The following DSCAM variants were observed in gnomAD, a reference collection of about 807,000 sequenced individuals.
The protein encoded by DSCAM is cell adhesion molecule DSCAM.
In DSCAM, 47 loss-of-function variants were observed where a neutral mutation model predicts 217.7. The observed-to-expected ratio is 0.22, with a 90% CI of 0.17 to 0.28. DSCAM has a LOEUF of 0.28. Ranked by LOEUF, DSCAM falls within the 10% of genes least tolerant of loss-of-function variation. The pLI, the probability that DSCAM is intolerant of heterozygous loss-of-function variation, is 1.00. For missense variants in DSCAM, 2,080 were observed against 2,618.3 expected (o/e 0.79, Z 4.49); for synonymous variants, 1,056 against 1,015.3 (o/e 1.04, Z -0.76).
intron 20 of DSCAM, among the ~76,000 whole-genome samples, chr21:40,109,341 T>C (rs985590249): frequency 5.9e-5 from 9 of 152,116 alleles, no homozygotes; most frequent in African/African-American, 1.9e-4. Flanking sequence ...GCAGAGGACA[T>C]GAATAGACAC....
intron 3 of DSCAM, among the ~76,000 whole-genome samples, chr21:40,586,062 G>A (rs1324856195): frequency 6.6e-6 from 1 of 152,122 alleles, no homozygotes; most frequent in Non-Finnish European, 1.5e-5. Context: ...TCACCATGTT[G>A]GACAGGCTGG....
chr21:40,108,307 A>T (rs1377598340), intron 20 of DSCAM, among the ~76,000 whole-genome samples: 1 of 152,220 alleles, frequency 6.6e-6, no homozygotes. Context: ...AAACAACTTC[A>T]GTAAAGTCTC....
intron 3 of DSCAM, among the ~76,000 whole-genome samples, chr21:40,568,875 A>G (rs2146199911): frequency 6.6e-6 from 1 of 152,182 alleles, no homozygotes; most frequent in East Asian, 1.9e-4. Context: ...TTCTGTTACC[A>G]CGAGGGCTGT....
chr21:40,701,618 T>C (rs2090657429), intron 2 of DSCAM, among the ~76,000 whole-genome samples: 1 of 152,112 alleles, frequency 6.6e-6, no homozygotes, highest in African/African-American at 2.4e-5. Context: ...TATTGTGTGT[T>C]CATTTCTTAT....
intron 2 of DSCAM, among the ~76,000 whole-genome samples, chr21:40,694,063 A>G (rs1245741863): frequency 2.0e-5 from 3 of 152,212 alleles, no homozygotes; most frequent in African/African-American, 7.2e-5. Context: ...TGCTAGAAGC[A>G]GGTTGGGTAA....
intron 11 of DSCAM, among the ~76,000 whole-genome samples, chr21:40,252,954 G>A (rs1018620615): frequency 1.2e-4 from 18 of 152,194 alleles, no homozygotes; most frequent in Non-Finnish European, 1.8e-4. Flanking sequence ...GGCTGAGAAC[G>A]TATCACTCAC....
chr21:40,127,022 G>A (rs2090101409), intron 19 of DSCAM, among the ~76,000 whole-genome samples: 2 of 152,276 alleles, frequency 1.3e-5, no homozygotes, highest in Admixed American at 6.5e-5. Context: ...TGCGGCTCTA[G>A]CACTTAGTTC....
chr21:40,447,902 C>T (rs1334168065), intron 3 of DSCAM, among the ~76,000 whole-genome samples: 1 of 152,138 alleles, frequency 6.6e-6, no homozygotes. Flanking sequence ...TATGTGATTG[C>T]TCTATTCTTC....
intron 32 of DSCAM, among the ~76,000 whole-genome samples, chr21:40,040,694 C>T (rs1161934185): frequency 1.3e-5 from 2 of 152,102 alleles, no homozygotes; most frequent in African/African-American, 4.8e-5. Flanking sequence ...CTCTGCTGAC[C>T]CCTTCACCTG....
intron 3 of DSCAM, among the ~76,000 whole-genome samples, chr21:40,425,858 C>T (rs1396142069): frequency 6.6e-6 from 1 of 151,996 alleles, no homozygotes; most frequent in Admixed American, 6.6e-5. Context: ...TATAAACATA[C>T]ACATGTTAAC....
At chr21:40,140,365 T>G (rs2090274700) in intron 18 of DSCAM, among the ~76,000 whole-genome samples, 1 of 152,224 alleles carries the variant, frequency 6.6e-6, no homozygotes, top group East Asian at 1.9e-4. Context: ...ATTATGTTTT[T>G]GAATATTCAA....
At chr21:40,548,040 G>A (rs2076597710) in intron 3 of DSCAM, among the ~76,000 whole-genome samples, 1 of 152,192 alleles carries the variant, frequency 6.6e-6, no homozygotes, top group Non-Finnish European at 1.5e-5. Flanking sequence ...TGTTAGCAGA[G>A]CTGCGGAGGA....
chr21:40,487,115 C>T (rs1601682410), intron 3 of DSCAM, among the ~76,000 whole-genome samples: 2 of 152,122 alleles, frequency 1.3e-5, no homozygotes, highest in East Asian at 3.9e-4. Flanking sequence ...AAGGTTTGAT[C>T]CTTTAAATTT....
In DSCAM at chr21:40,708,696, G is replaced by T; in HGVS notation, c.119C>A (p.Thr40Lys). The T allele has an allele frequency of 3.7e-6, 6 of 1,611,932 alleles. No individual in the cohort carries two copies. The highest frequency in any genetic ancestry group is 5.1e-6 in the Non-Finnish European group (6 of 1,179,004). The change falls in exon 2 of 33, where the codon ACG (threonine) becomes AAG (lysine). Residue 40 changes from threonine (T) to lysine (K), a missense_variant. Transcript: ENST00000400454. ...SLQEVVFAST[T>K]GTLVPCPAAG... ...TGCGGGGCAGGGCACCAGAGTCCCC[G>T]TGGTGCTGGCAAACACTACCTCTTG...
At chr21:40,151,403 T>C (rs1180142925) in intron 16 of DSCAM, among the ~76,000 whole-genome samples, 1 of 151,984 alleles carries the variant, frequency 6.6e-6, no homozygotes, top group Admixed American at 6.6e-5. Context: ...GTGGCCACCA[T>C]TCTCAATGAA....
At chr21:40,652,126 G>A (rs569096841) in intron 3 of DSCAM, among the ~76,000 whole-genome samples, 2 of 151,256 alleles carry the variant, frequency 1.3e-5, no homozygotes, top group South Asian at 4.2e-4. Context: ...ACACATGGAG[G>A]GGAACAACAC....
chr21:40,344,666 A>AT (rs1316646979), intron 6 of DSCAM, among the ~76,000 whole-genome samples: 3 of 152,122 alleles, frequency 2.0e-5, no homozygotes, highest in Non-Finnish European at 4.4e-5. Context: ...TCATTATGTA[A>AT]TATTTTTCCT....
intron 3 of DSCAM, among the ~76,000 whole-genome samples, chr21:40,387,330 G>A (rs2075095927): frequency 6.6e-6 from 1 of 151,622 alleles, no homozygotes; most frequent in Admixed American, 6.6e-5. Flanking sequence ...AGAGAAGTCT[G>A]CAGAAAAGTA....
At chr21:40,704,607 G>A (rs1478696097) in intron 2 of DSCAM, among the ~76,000 whole-genome samples, 1 of 151,898 alleles carries the variant, frequency 6.6e-6, no homozygotes, top group African/African-American at 2.4e-5. Context: ...TGTAGCCGCA[G>A]CTACTTGGGA....
Sources: allele counts gnomAD v4.1 joint callset (sites outside exome capture counted in the v4.1 genomes callset), GRCh38; gene constraint gnomAD v4.1.1; transcripts MANE v1.5; gene names NCBI Gene and HGNC (gene_info 2026-07-23, HGNC 2026-07-21).